The following PASD1 variants were observed in gnomAD, a reference collection of about 807,000 sequenced individuals.
PASD1 encodes circadian clock protein PASD1.
A neutral mutation model predicts 58.8 loss-of-function variants in PASD1; 13 were observed. The observed-to-expected ratio is 0.22, with a 90% CI of 0.14 to 0.35. PASD1 has a LOEUF of 0.35. Among genes scored for constraint, PASD1 ranks in the 10% least tolerant of loss-of-function variants. The pLI is 1.00. For missense variants in PASD1, 734 were observed against 568.3 expected (o/e 1.29, Z -2.96); for synonymous variants, 236 against 216.7 (o/e 1.09, Z -0.78).
At chrX:151,619,207 G>A (rs912713577) in intron 4 of PASD1, among the ~76,000 whole-genome samples, 1 of 111,644 alleles carries the variant, frequency 9.0e-6, no homozygotes, top group African/African-American at 3.3e-5. Flanking sequence ...TGGATATTGA[G>A]TTTGAGAGAT....
rs748113657 is a variant in PASD1, at chrX:151,598,430, C to G, written c.-27-3097C>G. On this transcript the variant is annotated intron_variant, in intron 1 of 15. Coordinates refer to ENST00000370357, the MANE Select transcript of PASD1 (RefSeq NM_173493.3). Reference sequence around the variant, plus strand: ...TAGGTGTGGTTTTATTTTGATTTATCCAGATTGGGTCACATTTTCCATTCT... The same window carrying G: ...TAGGTGTGGTTTTATTTTGATTTATGCAGATTGGGTCACATTTTCCATTCT... 8.1e-5 allele frequency among the ~76,000 whole-genome samples: 9 copies of G among 110,923 alleles called. No individual in the cohort carries two copies. In the East Asian group the frequency reaches 2.5e-3, roughly 31 times the overall value.
chrX:151,643,838 G>A (rs1483163121), intron 8 of PASD1, among the ~76,000 whole-genome samples: 2 of 112,029 alleles, frequency 1.8e-5, no homozygotes, highest in Non-Finnish European at 3.8e-5. Context: ...CTATAAAGCA[G>A]AGATGATAAC....
intron 8 of PASD1, among the ~76,000 whole-genome samples, chrX:151,634,491 T>C (rs2013905782): frequency 9.0e-6 from 1 of 111,152 alleles, no homozygotes; most frequent in Non-Finnish European, 1.9e-5. Context: ...TTATCTTTTG[T>C]AGCTTTTTTT....
intron 1 of PASD1, among the ~76,000 whole-genome samples, chrX:151,580,507 T>C (rs1024575776): frequency 4.9e-5 from 5 of 102,918 alleles, no homozygotes; most frequent in Non-Finnish European, 7.8e-5. Context: ...TTTCTTTTTT[T>C]CTTTTTTTTT....
chrX:151,620,950 A>C lies in PASD1; in HGVS notation c.228A>C (p.Lys76Asn). ...GCCAGGCTGAGATTGTGGGCAAAAA[A>C]TTATTAAGCCTTCTGCCTGATGAAG... is the stretch of plus-strand genomic sequence containing the variant. Reference protein sequence around the residue: ...GHLPAEIVGKKLLSLLPDEEK... With the variant: ...GHLPAEIVGKNLLSLLPDEEK... Residue 76 changes from lysine to asparagine, a missense_variant, in exon 5 of 16, where the codon AAA becomes AAC. Lys to Asn is a moderately conservative substitution (Grantham distance 94). Transcript: ENST00000370357. 8.3e-7 allele frequency: 1 copy of C among 1,207,315 alleles called. No individual in the cohort carries two copies. The highest frequency in any genetic ancestry group is 1.8e-5 in the South Asian group (1 of 56,003).
In PASD1 at chrX:151,674,131, A is replaced by G. The variant is rs1206132769; in HGVS notation, c.2120A>G (p.Asn707Ser). 2.5e-6 allele frequency: 3 copies of G among 1,211,700 alleles called. No homozygotes were observed. Among genetic ancestry groups the G allele is most frequent in the South Asian group, 1.8e-5 (1 of 57,002 alleles). Residue 707 changes from asparagine (N) to serine (S), a missense_variant, in exon 15 of 16, where the codon AAC becomes AGC. By Grantham distance (46) the Asn-to-Ser change is conservative (BLOSUM62 1). Transcript: ENST00000370357. ...TCACTCGGTCCTGTTGTCCAAGTGAACACTTGGTCTTGCGATGAGCAGGGC... is the reference window on the plus strand; with the variant it reads ...TCACTCGGTCCTGTTGTCCAAGTGAGCACTTGGTCTTGCGATGAGCAGGGC... ...SDSLGPVVQV[N>S]TWSCDEQGTL...
intron 10 of PASD1, among the ~76,000 whole-genome samples, chrX:151,661,241 G>A (rs1221110309): frequency 3.6e-5 from 4 of 111,979 alleles, no homozygotes; most frequent in African/African-American, 1.3e-4. Flanking sequence ...TTAGCCAACA[G>A]TCTAAACACT....
chrX:151,649,426 A>G (rs2014103568), intron 9 of PASD1, among the ~76,000 whole-genome samples: 1 of 111,941 alleles, frequency 8.9e-6, no homozygotes, highest in Non-Finnish European at 1.9e-5. Context: ...TACCAGTTAC[A>G]TGGCCTGGGG....
At chrX:151,615,654 G>A (rs1421176846) in intron 4 of PASD1, among the ~76,000 whole-genome samples, 2 of 111,536 alleles carry the variant, frequency 1.8e-5, no homozygotes. Context: ...TTTCTAGAGT[G>A]TCTGCGTGGC....
At chrX:151,660,331 T>A (rs182686371) in intron 10 of PASD1, among the ~76,000 whole-genome samples, 3 of 112,518 alleles carry the variant, frequency 2.7e-5, no homozygotes, top group African/African-American at 6.4e-5. Flanking sequence ...ACAAATTATA[T>A]CTCCTAATTA....
In PASD1 at chrX:151,676,405, CTT is replaced by C; in HGVS notation, c.*263_*264del. 1 of 279,840 alleles carries C rather than the reference CTT, an allele frequency of 3.6e-6. No individual in the cohort carries two copies. The highest frequency in any genetic ancestry group is 6.3e-6 in the Non-Finnish European group (1 of 159,296). The allele number at this position is 279,840 out of a possible 1,213,427, so 23.1% of individuals were successfully genotyped here. The stretch of plus-strand genomic sequence containing the variant: ...AGCCAGCCACAGCTGGATCTGATGT[CTT>C]GTCTGCCCCGCCCAGCTTTGCATAT... On this transcript the variant is annotated 3_prime_UTR_variant, in exon 16 of 16. Transcript: ENST00000370357.
intron 1 of PASD1, among the ~76,000 whole-genome samples, chrX:151,576,629 A>C (rs7052790): frequency 0.048 from 5,413 of 112,024 alleles, 117 homozygotes; most frequent in African/African-American, 0.086. Context: ...AAGATGTCTT[A>C]GTTTTGATAA....
At position 151,565,390 on chromosome X, in the gene PASD1, A is replaced by C. The variant is rs1260844116; in HGVS notation, c.-28+1551A>C. ...TAGAGAGACATCTGTCTTTGAGATT[A>C]GCCTAGCACTTCCTTAGGAGAGTTG... On this transcript the variant is annotated intron_variant, in intron 1 of 15. Coordinates refer to ENST00000370357, the MANE Select transcript of PASD1 (RefSeq NM_173493.3). Among the ~76,000 whole-genome samples the C allele has an allele frequency of 2.7e-5, 3 of 111,356 alleles. No homozygotes were observed. The East Asian group carries it at 8.5e-4, about 31-fold the overall frequency.
rs1329123357 is a variant in PASD1 at position 151,648,694 on chromosome X, A to G, written c.709A>G (p.Ile237Val). ...CGCTGCTGCTGCTGCTGCTGCTGCT[A>G]TCTCAGACGTATGTACATTGAGGAC... Reference protein sequence around the residue: ...EPAAAAAAAAISDDQIDIAEV... With the variant: ...EPAAAAAAAAVSDDQIDIAEV... Residue 237 changes from isoleucine (I) to valine (V), a missense_variant, in exon 9 of 16, where the codon ATC becomes GTC. Ile to Val is a conservative substitution (Grantham distance 29, BLOSUM62 3). Coordinates refer to ENST00000370357, the MANE Select transcript of PASD1 (RefSeq NM_173493.3). 9 of 1,208,508 alleles carry G rather than the reference A, an allele frequency of 7.4e-6. No individual in the cohort carries two copies. Among genetic ancestry groups the G allele is most frequent in the African/African-American group, 5.3e-5 (3 of 56,927 alleles).
At chrX:151,565,236 A>G (rs1441016889) in intron 1 of PASD1, among the ~76,000 whole-genome samples, 2 of 112,305 alleles carry the variant, frequency 1.8e-5, no homozygotes, top group Non-Finnish European at 3.8e-5. Flanking sequence ...GGGTAAAGAC[A>G]CTCAGGCAGC....
intron 9 of PASD1, among the ~76,000 whole-genome samples, chrX:151,656,296 C>G (rs1472954495): frequency 1.8e-5 from 2 of 111,754 alleles, no homozygotes; most frequent in Non-Finnish European, 3.8e-5. Context: ...CATGATGCCT[C>G]CAGCTTTGTT....
At chrX:151,597,606 A>G (rs2013337083) in intron 1 of PASD1, among the ~76,000 whole-genome samples, 1 of 112,316 alleles carries the variant, frequency 8.9e-6, no homozygotes, top group Non-Finnish European at 1.9e-5. Flanking sequence ...TTAAGAAAGC[A>G]TTTTAAGATT....
At chrX:151,646,453 G>A (rs1160548020) in intron 8 of PASD1, among the ~76,000 whole-genome samples, 2 of 111,823 alleles carry the variant, frequency 1.8e-5, no homozygotes, top group Non-Finnish European at 3.8e-5. Context: ...CATCCAAGAC[G>A]GCAGCCACTA....
chrX:151,621,500 G>C lies in PASD1; in HGVS notation c.326G>C (p.Cys109Ser). The C allele has an allele frequency of 2.5e-6, 3 of 1,199,222 alleles. No individual in the cohort carries two copies. The highest frequency in any genetic ancestry group is 3.5e-5 in the African/African-American group (2 of 57,374). Residue 109 changes from cysteine (C) to serine (S), a missense_variant, in exon 6 of 16, where the codon TGC becomes TCC. Transcript: ENST00000370357. ...LLNSETHIEFCCHLKRGNVEH... is the reference protein window; with the variant it reads ...LLNSETHIEFSCHLKRGNVEH... ...TTACTAGAAACACATATTGAATTTT[G>C]CTGTCATTTAAAAAGAGGAAATGTC... is the stretch of plus-strand genomic sequence containing the variant.
Sources: gnomAD v4.1 joint callset for allele counts (sites outside exome capture counted in the v4.1 genomes callset) on GRCh38, gnomAD v4.1.1 for gene constraint, MANE v1.5 for transcripts, NCBI Gene and HGNC (gene_info 2026-07-23, HGNC 2026-07-21) for gene names.